AUTS2: variants seen among roughly 807,000 people sequenced by gnomAD.
The protein encoded by AUTS2 is autism susceptibility gene 2 protein.
In AUTS2, 17 loss-of-function variants were observed where a neutral mutation model predicts 112.4. That is an observed-to-expected ratio of 0.15 (90% CI 0.10 to 0.23). AUTS2 has a LOEUF of 0.23. Ranked by LOEUF, AUTS2 falls within the 10% of genes least tolerant of loss-of-function variation. The pLI, the probability that AUTS2 is intolerant of heterozygous loss-of-function variation, is 1.00. For synonymous variants in AUTS2, 751 were observed against 702.7 expected (o/e 1.07, Z -1.09); for missense variants, 1,510 against 1,701.6 (o/e 0.89, Z 1.98).
At chr7:70,064,730 A>G (rs553019148) in intron 2 of AUTS2, among the ~76,000 whole-genome samples, 2 of 152,288 alleles carry the variant, frequency 1.3e-5, no homozygotes, top group South Asian at 4.1e-4. Flanking sequence ...AATTCTTTTT[A>G]AGAGTCATAG....
At position 69,830,533 on chromosome 7, in the gene AUTS2, T is replaced by C. The variant is rs567733740; in HGVS notation, c.310-68753T>C. The stretch of plus-strand genomic sequence containing the variant: ...CTAAAATTCCTAATATATCTTCTAA[T>C]ATTTTCTAGTTGGTTTTATTTATTT... On this transcript the variant is annotated intron_variant, in intron 1 of 18. Coordinates refer to ENST00000342771, the MANE Select transcript of AUTS2 (RefSeq NM_015570.4). Among the ~76,000 whole-genome samples, 5 of 152,374 alleles carry C rather than the reference T, an allele frequency of 3.3e-5. No homozygotes were observed. The South Asian group carries it at 1.0e-3, about 32-fold the overall frequency.
At chr7:69,779,242 T>G (rs1418054833) in intron 1 of AUTS2, among the ~76,000 whole-genome samples, 4 of 152,078 alleles carry the variant, frequency 2.6e-5, no homozygotes, top group Non-Finnish European at 5.9e-5. Flanking sequence ...TTTATTTATT[T>G]AGGGACCCCC....
chr7:70,749,679 A>G (rs898064401), intron 6 of AUTS2, among the ~76,000 whole-genome samples: 5 of 152,164 alleles, frequency 3.3e-5, no homozygotes, highest in Non-Finnish European at 7.3e-5. Flanking sequence ...GGTTGGCAGC[A>G]CCCAGGTCCC....
chr7:69,909,672 T>A (rs998355175), intron 2 of AUTS2, among the ~76,000 whole-genome samples: 1 of 152,102 alleles, frequency 6.6e-6, no homozygotes, highest in Non-Finnish European at 1.5e-5. Flanking sequence ...TTCCACAAAT[T>A]CAAAAAGAAA....
chr7:69,923,555 G>A (rs556723063), intron 2 of AUTS2, among the ~76,000 whole-genome samples: 2 of 152,268 alleles, frequency 1.3e-5, no homozygotes, highest in South Asian at 4.2e-4. Context: ...GGGGAGAATT[G>A]ACAGTTTAAA....
intron 17 of AUTS2, 134 bp downstream of exon 17, chr7:70,786,172 C>A: frequency 2.8e-6 from 2 of 709,554 alleles, no homozygotes; most frequent in Non-Finnish European, 4.6e-6. Context: ...ACTGCAAAAG[C>A]AGGCCTTCAC....
At position 70,210,853 on chromosome 7, in the gene AUTS2, C is replaced by A. The variant is rs139430103; in HGVS notation, c.660+76282C>A. On this transcript the variant is annotated intron_variant, in intron 4 of 18. Coordinates refer to ENST00000342771, the MANE Select transcript of AUTS2 (RefSeq NM_015570.4). ...CCTTATATTTTCCCATTGTATGCAT[C>A]GTTGCATGGCAAACACAGGATTTAT... Among the ~76,000 whole-genome samples the A allele has an allele frequency of 1.8e-3, 279 of 152,298 alleles. 1 individual carries two copies. Among genetic ancestry groups the A allele is most frequent in the African/African-American group, 4.8e-3 (201 of 41,580 alleles).
intron 5 of AUTS2, among the ~76,000 whole-genome samples, chr7:70,564,839 C>G (rs1801636405): frequency 6.6e-6 from 1 of 152,156 alleles, no homozygotes. Context: ...GTAGCTCACG[C>G]CTGTAATCCC....
chr7:70,296,785 G>A (rs1317515966), intron 4 of AUTS2, among the ~76,000 whole-genome samples: 1 of 150,926 alleles, frequency 6.6e-6, no homozygotes, highest in Admixed American at 6.6e-5. Context: ...TTCTATTACT[G>A]CATCTGAGGA....
chr7:70,617,008 C>G (rs938774528), intron 5 of AUTS2, among the ~76,000 whole-genome samples: 2 of 152,128 alleles, frequency 1.3e-5, no homozygotes, highest in Non-Finnish European at 2.9e-5. Context: ...CTTTCAGCTG[C>G]AAGTAATAGC....
At chr7:70,330,691 A>G (rs1316439828) in intron 4 of AUTS2, among the ~76,000 whole-genome samples, 2 of 152,234 alleles carry the variant, frequency 1.3e-5, no homozygotes, top group Non-Finnish European at 2.9e-5. Context: ...TAGAGATTGC[A>G]TTGGATCTGT....
At chr7:69,605,271 C>T (rs527428504) in intron 1 of AUTS2, among the ~76,000 whole-genome samples, 2 of 152,154 alleles carry the variant, frequency 1.3e-5, no homozygotes, top group South Asian at 2.1e-4. Context: ...GTAGTCGGTG[C>T]GTGGGAGCTG....
chr7:69,892,730 T>C (rs1794582553), intron 1 of AUTS2, among the ~76,000 whole-genome samples: 1 of 152,196 alleles, frequency 6.6e-6, no homozygotes, highest in African/African-American at 2.4e-5. Context: ...AATTTTATGG[T>C]TTTAGGTTTT....
At chr7:70,112,864 T>C (rs1805155087) in intron 2 of AUTS2, among the ~76,000 whole-genome samples, 1 of 152,112 alleles carries the variant, frequency 6.6e-6, no homozygotes, top group Non-Finnish European at 1.5e-5. Context: ...AATGTATTTA[T>C]ATTATTATCA....
intron 5 of AUTS2, among the ~76,000 whole-genome samples, chr7:70,464,005 A>G (rs1797075535): frequency 6.6e-6 from 1 of 152,198 alleles, no homozygotes; most frequent in African/African-American, 2.4e-5. Context: ...GCTTAGTACA[A>G]ATGTAAGCAT....
In AUTS2 at chr7:70,187,366, T is replaced by C. The variant is rs183059747; in HGVS notation, c.660+52795T>C. ...CTTTATAAATAGGTAATTAGGTATA[T>C]ATGTAAATATGTAAGATATATACCT... On this transcript the variant is annotated intron_variant, in intron 4 of 18. Coordinates refer to ENST00000342771, the MANE Select transcript of AUTS2 (RefSeq NM_015570.4). 3.9e-5 allele frequency among the ~76,000 whole-genome samples: 6 copies of C among 152,340 alleles called. No individual in the cohort carries two copies. The East Asian group carries it at 9.6e-4, about 24-fold the overall frequency.
intron 5 of AUTS2, among the ~76,000 whole-genome samples, chr7:70,696,000 G>C (rs1007940348): frequency 6.6e-5 from 10 of 151,852 alleles, no homozygotes; most frequent in Non-Finnish European, 1.2e-4. Flanking sequence ...TTCTGGGCTC[G>C]CCGCTTTTCC....
intron 4 of AUTS2, among the ~76,000 whole-genome samples, chr7:70,327,073 G>A (rs545448165): frequency 6.6e-6 from 1 of 151,968 alleles, no homozygotes; most frequent in African/African-American, 2.4e-5. Flanking sequence ...GCCTGCCACT[G>A]CGCCTGGCTA....
Position 70,791,171 on chromosome 7 carries a change from G to A in AUTS2, c.*175G>A, listed in dbSNP as rs896402425. The A allele has an allele frequency of 6.6e-6, 4 of 604,612 alleles. No homozygotes were observed. The highest frequency in any genetic ancestry group is 3.8e-5 in the African/African-American group (2 of 52,242). The allele number at this position is 604,612 out of a possible 1,614,324, so 37.5% of individuals were successfully genotyped here. ...TTTTGAAATGTTTTGTATATTATAT[G>A]TTGAGATTTTTCAGATCTTTTAGCC... On this transcript the variant is annotated 3_prime_UTR_variant, in exon 19 of 19. Coordinates refer to ENST00000342771, the MANE Select transcript of AUTS2 (RefSeq NM_015570.4).
Sources: gnomAD v4.1 joint callset for allele counts (sites outside exome capture counted in the v4.1 genomes callset) on GRCh38, gnomAD v4.1.1 for gene constraint, MANE v1.5 for transcripts, NCBI Gene and HGNC (gene_info 2026-07-23, HGNC 2026-07-21) for gene names.